TANK: variants seen among roughly 807,000 people sequenced by gnomAD.
The protein encoded by TANK is TRAF family member associated NFKB activator, also known as TRAF family member-associated NF-kappa-B activator.
A neutral mutation model predicts 43.6 loss-of-function variants in TANK; 15 were observed. That is an observed-to-expected ratio of 0.34 (90% CI 0.23 to 0.53). The LOEUF (loss-of-function observed/expected upper bound fraction) is 0.53, where lower values mean the gene tolerates loss of function less well. TANK is among the 20% of genes least tolerant of loss of function. The pLI, the probability that TANK is intolerant of heterozygous loss-of-function variation, is 0.94. For synonymous variants in TANK, 162 were observed against 178.2 expected (o/e 0.91, Z 0.73); for missense variants, 417 against 498.6 (o/e 0.84, Z 1.56).
At chr2:161,224,548 A>G (rs1247530422) in intron 5 of TANK, 83 bp from the exon 6 acceptor site, 1 of 514,822 alleles carries the variant, frequency 1.9e-6, no homozygotes, top group Admixed American at 3.4e-5. Flanking sequence ...TGTGGCACAT[A>G]AAATGGTACT....
chr2:161,176,188 C>A, intron 1 of TANK, among the ~76,000 whole-genome samples: 1 of 152,056 alleles, frequency 6.6e-6, no homozygotes, highest in Non-Finnish European at 1.5e-5. Context: ...ATGTAGCTGC[C>A]TCTTAATTTT....
chr2:161,229,656 A>C (rs1426274800), intron 6 of TANK, among the ~76,000 whole-genome samples: 1 of 152,214 alleles, frequency 6.6e-6, no homozygotes, highest in Non-Finnish European at 1.5e-5. Flanking sequence ...AAAGACAGAG[A>C]GGTGTCATGA....
intron 7 of TANK, chr2:161,232,956 T>A (rs1243548686): frequency 1.7e-6 from 2 of 1,174,436 alleles, no homozygotes; most frequent in South Asian, 1.7e-5. Flanking sequence ...TTGAAGACCA[T>A]GTTACAGTTT....
At chr2:161,217,644 T>C (rs148230252) in intron 4 of TANK, among the ~76,000 whole-genome samples, 32 of 151,040 alleles carry the variant, frequency 2.1e-4, no homozygotes, top group African/African-American at 7.3e-4. Context: ...CCAAAGTTTG[T>C]AACTGTTATT....
At chr2:161,170,043 G>T (rs1684873198) in intron 1 of TANK, among the ~76,000 whole-genome samples, 1 of 152,168 alleles carries the variant, frequency 6.6e-6, no homozygotes, top group African/African-American at 2.4e-5. Flanking sequence ...AGAAGACTGA[G>T]ATTGTCCTTC....
At chr2:161,232,246 T>C (rs1226096106) in intron 7 of TANK, among the ~76,000 whole-genome samples, 2 of 152,200 alleles carry the variant, frequency 1.3e-5, no homozygotes, top group Non-Finnish European at 2.9e-5. Context: ...AATGATTCTT[T>C]TAGTTAAAAA....
At chr2:161,205,556 A>G (rs1686613377) in intron 4 of TANK, among the ~76,000 whole-genome samples, 1 of 152,236 alleles carries the variant, frequency 6.6e-6, no homozygotes, top group African/African-American at 2.4e-5. Context: ...TAATACAGAA[A>G]GAAATAGTAC....
At chr2:161,186,034 GT>G (rs1685648761) in intron 2 of TANK, among the ~76,000 whole-genome samples, 1 of 152,120 alleles carries the variant, frequency 6.6e-6, no homozygotes, top group Admixed American at 6.5e-5. Flanking sequence ...GCTGGACATG[GT>G]GGTATGTGCC....
chr2:161,232,882 A>T (rs1178804176), intron 7 of TANK: 2 of 1,543,086 alleles, frequency 1.3e-6, no homozygotes, highest in South Asian at 2.4e-5. Context: ...AGTTGTCACA[A>T]GACATGGGGC....
At chr2:161,227,462 A>G (rs577028535) in intron 6 of TANK, among the ~76,000 whole-genome samples, 21 of 152,090 alleles carry the variant, frequency 1.4e-4, no homozygotes, top group Admixed American at 2.6e-4. Context: ...TGGCAGATCT[A>G]CCACTTACTA....
intron 2 of TANK, chr2:161,201,348 A>G (rs1439378623): frequency 1.2e-6 from 1 of 831,220 alleles, no homozygotes; most frequent in South Asian, 5.5e-5. Context: ...TTTAAGCCAG[A>G]GAATAGAAGA....
At chr2:161,233,423 A>T (rs185870104) in intron 7 of TANK, among the ~76,000 whole-genome samples, 5,049 of 151,822 alleles carry the variant, frequency 0.033, 108 homozygotes, top group Non-Finnish European at 0.046. Flanking sequence ...TTTTTTTTTT[A>T]AAAAAATCCT....
At chr2:161,186,333 T>C (rs1405083954) in intron 2 of TANK, among the ~76,000 whole-genome samples, 1 of 152,222 alleles carries the variant, frequency 6.6e-6, no homozygotes, top group African/African-American at 2.4e-5. Context: ...TTTTCAAATA[T>C]ATTCCTATTT....
intron 2 of TANK, among the ~76,000 whole-genome samples, chr2:161,189,240 C>G (rs909696636): frequency 1.3e-5 from 2 of 152,184 alleles, no homozygotes; most frequent in South Asian, 4.1e-4. Flanking sequence ...GCATACAAAA[C>G]TAGTCATGAT....
Position 161,203,573 on chromosome 2 carries a change from A to G in TANK, c.186A>G (p.Leu62=), listed in dbSNP as rs374791288. Residue 62 remains leucine, a synonymous_variant, in exon 3 of 8, where the codon TTA becomes TTG. Transcript: ENST00000392749. ...TTATTGACAAGCTAAAATCTCAGTT[A>G]CTTCTTGTGAATTCCACTCAAGGTA... ...QTIIDKLKSQ[L]LLVNSTQDNN... 50 of 1,610,026 alleles carry G rather than the reference A, an allele frequency of 3.1e-5. 1 individual carries two copies. The highest frequency in any genetic ancestry group is 1.3e-4 in the East Asian group (6 of 44,716).
At chr2:161,161,063 A>G in intron 1 of TANK, 2 of 702,478 alleles carry the variant, frequency 2.8e-6, no homozygotes, top group Non-Finnish European at 4.5e-6. Flanking sequence ...AGGCAGGAAG[A>G]ACAGAAGCCA....
chr2:161,203,291 T>G (rs962920879), intron 2 of TANK, among the ~76,000 whole-genome samples, 196 bp from the exon 3 acceptor site: 1 of 152,252 alleles, frequency 6.6e-6, no homozygotes, highest in South Asian at 2.1e-4. Flanking sequence ...ACTTCTGCGG[T>G]GCTTTAAGTG....
intron 1 of TANK, among the ~76,000 whole-genome samples, chr2:161,150,525 T>C (rs1414475006): frequency 1.3e-5 from 2 of 151,966 alleles, no homozygotes; most frequent in Non-Finnish European, 2.9e-5. Context: ...TCAATTTAGT[T>C]TGCTCTTCCT....
intron 1 of TANK, chr2:161,161,074 A>G (rs1331237511): frequency 4.9e-6 from 4 of 811,688 alleles, no homozygotes; most frequent in South Asian, 4.0e-5. Flanking sequence ...ACAGAAGCCA[A>G]CCCCGCCCAC....
Sources: gnomAD v4.1 joint callset for allele counts (sites outside exome capture counted in the v4.1 genomes callset) on GRCh38, gnomAD v4.1.1 for gene constraint, MANE v1.5 for transcripts, NCBI Gene and HGNC (gene_info 2026-07-23, HGNC 2026-07-21) for gene names.